The following EDNRB variants were observed in gnomAD, a reference collection of about 807,000 sequenced individuals.
EDNRB encodes endothelin receptor type B.
In EDNRB, 18 loss-of-function variants were observed where a neutral mutation model predicts 46.4. The observed-to-expected ratio is 0.39, with a 90% CI of 0.27 to 0.57. The LOEUF (loss-of-function observed/expected upper bound fraction) is 0.57, where lower values mean the gene tolerates loss of function less well. EDNRB is among the 20% of genes least tolerant of loss of function. The pLI, the probability that EDNRB is intolerant of heterozygous loss-of-function variation, is 0.61. For missense variants in EDNRB, 434 were observed against 537.5 expected (o/e 0.81, Z 1.90); for synonymous variants, 213 against 204.9 (o/e 1.04, Z -0.34).
intron 1 of EDNRB, among the ~76,000 whole-genome samples, chr13:77,907,465 C>T (rs999615943): frequency 1.3e-5 from 2 of 151,906 alleles, no homozygotes; most frequent in African/African-American, 4.8e-5. Context: ...TTCTTAGCCT[C>T]TATAATCTCA....
chr13:77,919,613 C>G, upstream of EDNRB: 1 of 1,602,034 alleles, frequency 6.2e-7, no homozygotes, highest in Non-Finnish European at 8.5e-7. Context: ...TACTTTTATT[C>G]ATTCATCCCT....
chr13:77,953,997 A>G (rs922154810), intron 1 of EDNRB, among the ~76,000 whole-genome samples: 1 of 152,222 alleles, frequency 6.6e-6, no homozygotes, highest in Non-Finnish European at 1.5e-5. Flanking sequence ...ATACAATATT[A>G]TGATGAACCC....
intron 1 of EDNRB, among the ~76,000 whole-genome samples, chr13:77,959,523 C>T (rs1472674946): frequency 6.6e-6 from 1 of 152,188 alleles, no homozygotes; most frequent in Non-Finnish European, 1.5e-5. Flanking sequence ...AGGACATCCA[C>T]ACCAAAACCC....
chr13:77,931,103 T>C (rs1880383899), intron 1 of EDNRB, among the ~76,000 whole-genome samples: 1 of 152,340 alleles, frequency 6.6e-6, no homozygotes, highest in African/African-American at 2.4e-5. Context: ...TGTTGTTTAC[T>C]AAGATAATTT....
chr13:77,960,769 T>C (rs1881384565), intron 1 of EDNRB, among the ~76,000 whole-genome samples: 1 of 149,856 alleles, frequency 6.7e-6, no homozygotes, highest in Non-Finnish European at 1.5e-5. Context: ...TCAAGAACCA[T>C]CAGTGTGCTG....
At chr13:77,962,007 C>T (rs7324912) in intron 1 of EDNRB, among the ~76,000 whole-genome samples, 97,396 of 151,968 alleles carry the variant, frequency 0.64, 31,849 homozygotes, top group Middle Eastern at 0.8. Flanking sequence ...AACACCTCTA[C>T]GCAAATAAAC....
intron 1 of EDNRB, among the ~76,000 whole-genome samples, chr13:77,954,892 A>G (rs1478392586): frequency 2.0e-5 from 3 of 152,150 alleles, no homozygotes; most frequent in Admixed American, 6.5e-5. Context: ...TGTTGTTTCC[A>G]TATCTTGGCT....
In EDNRB at chr13:77,918,165, T is replaced by G; in HGVS notation, c.409A>C (p.Asn137His). The G allele has an allele frequency of 6.2e-7, 1 of 1,614,164 alleles. No individual in the cohort carries two copies. The highest frequency in any genetic ancestry group is 8.5e-7 in the Non-Finnish European group (1 of 1,180,040). Residue 137 changes from asparagine (N) to histidine (H), a missense_variant, in exon 1 of 7, where the codon AAT (asparagine) becomes CAT (histidine). Coordinates refer to ENST00000646607, the MANE Select transcript of EDNRB (RefSeq NM_001122659.3). The surrounding 1 kb of genome is among the most constrained non-coding windows in gnomAD (Gnocchi z 4.5). ...AGAGCCAAGCTGGCGATCAAGATAT[T>G]GGGACCGTTTCGCATGCACTTGTTC... is the stretch of plus-strand genomic sequence containing the variant. ...YKNKCMRNGP[N>H]ILIASLALGD...
chr13:77,908,424 GC>G (rs142777623), intron 1 of EDNRB, among the ~76,000 whole-genome samples: 12,667 of 50,584 alleles, frequency 0.25, 637 homozygotes, highest in South Asian at 0.31. Flanking sequence ...ATGAAGTTTT[GC>G]CAAAAAAAAA....
chr13:77,913,541 G>A (rs1879678742), intron 1 of EDNRB, among the ~76,000 whole-genome samples: 1 of 152,154 alleles, frequency 6.6e-6, no homozygotes, highest in Non-Finnish European at 1.5e-5. Context: ...TACACATAAA[G>A]GAAGCTATAT....
chr13:77,946,110 G>A (rs981944035), intron 1 of EDNRB, among the ~76,000 whole-genome samples: 6 of 152,136 alleles, frequency 3.9e-5, no homozygotes, highest in African/African-American at 1.2e-4. Flanking sequence ...ACAAGTATCC[G>A]AACTGTGATA....
At position 77,895,991 on chromosome 13, in the gene EDNRB, G is replaced by A. The variant is rs577310951; in HGVS notation, c.*2209C>T. 6.5e-6 allele frequency: 1 copy of A among 152,986 alleles called. No individual in the cohort carries two copies. Among genetic ancestry groups the A allele is most frequent in the African/African-American group, 2.4e-5 (1 of 41,578 alleles). 9.5% of individuals were successfully genotyped at this position (152,986 alleles called of 1,614,324 possible). On this transcript the variant is annotated 3_prime_UTR_variant, in exon 7 of 7. Coordinates refer to ENST00000646607, the MANE Select transcript of EDNRB (RefSeq NM_001122659.3). ...TAAAGTCCTTAATACTAGGAAACAT[G>A]TTTTGAAGTTGAACGATAGCACCTT...
rs2137597541 is a variant in EDNRB at position 77,897,397 on chromosome 13, T to C, written c.*803A>G. On this transcript the variant is annotated 3_prime_UTR_variant, in exon 7 of 7. Transcript: ENST00000646607. ...ACAGATTCAAAAAAGTCTTTTGGGATAGCCTTTCAAACATTCTATTTCTCT... is the reference window on the plus strand; with the variant it reads ...ACAGATTCAAAAAAGTCTTTTGGGACAGCCTTTCAAACATTCTATTTCTCT... 8 of 985,286 alleles carry C rather than the reference T, an allele frequency of 8.1e-6. No homozygotes were observed. Among genetic ancestry groups the C allele is most frequent in the Admixed American group, 6.2e-5 (1 of 16,256 alleles). 61.0% of individuals were successfully genotyped at this position (985,286 alleles called of 1,614,324 possible).
chr13:77,942,000 G>A (rs1880762672), intron 1 of EDNRB, among the ~76,000 whole-genome samples: 1 of 152,140 alleles, frequency 6.6e-6, no homozygotes, highest in Non-Finnish European at 1.5e-5. Flanking sequence ...AACCAGCTAT[G>A]CTGACCTGCA....
At chr13:77,918,990 C>G (rs1879971168), upstream of EDNRB, 5 of 965,310 alleles carry the variant, frequency 5.2e-6, no homozygotes, top group Admixed American at 4.4e-5. The surrounding 1 kb of genome is among the most constrained non-coding windows in gnomAD (Gnocchi z 4.5). Flanking sequence ...TGCGTGGGAA[C>G]CGCGGAATTA....
Position 77,930,866 on chromosome 13 carries a change from C to T in EDNRB, c.-51-12242G>A, listed in dbSNP as rs1880374575. On this transcript the variant is annotated intron_variant, in intron 1 of 7. Transcript: ENST00000646948. ...GAGTTTAACACGCACAGCTGGGTCT[C>T]GTTAATGGTGCCAGTGGAATTTGTA... Among the ~76,000 whole-genome samples the T allele has an allele frequency of 3.3e-5, 5 of 151,588 alleles. No homozygotes were observed. In the South Asian group the frequency reaches 8.4e-4, roughly 25 times the overall value.
intron 1 of EDNRB, among the ~76,000 whole-genome samples, chr13:77,956,401 C>T (rs1010807758): frequency 1.3e-5 from 2 of 151,896 alleles, no homozygotes; most frequent in African/African-American, 4.8e-5. Flanking sequence ...TTTTGCATCC[C>T]ATCGCTTTTT....
intron 1 of EDNRB, among the ~76,000 whole-genome samples, chr13:77,946,845 C>T (rs1471058192): frequency 6.6e-6 from 1 of 152,142 alleles, no homozygotes; most frequent in Admixed American, 6.5e-5. Context: ...TTGTTATTTC[C>T]ATAAAAATCA....
At chr13:77,936,191 G>A in intron 1 of EDNRB, among the ~76,000 whole-genome samples, 1 of 152,132 alleles carries the variant, frequency 6.6e-6, no homozygotes, top group Non-Finnish European at 1.5e-5. Context: ...GGAGATACAA[G>A]GGGAGGATGT....
Sources: gnomAD v4.1 joint callset for allele counts (sites outside exome capture counted in the v4.1 genomes callset) on GRCh38, gnomAD v4.1.1 for gene constraint, Gnocchi (gnomAD v3.1) non-coding constraint, MANE v1.5 for transcripts, NCBI Gene and HGNC (gene_info 2026-07-23, HGNC 2026-07-21) for gene names.